Variants in PLEC observed in about 807,000 individuals in gnomAD.
PLEC encodes hemidesmosomal protein 1.
Under a neutral mutation model 392.8 loss-of-function variants are expected in PLEC, and 216 were observed. That is an observed-to-expected ratio of 0.55 (90% CI 0.49 to 0.62). The LOEUF (loss-of-function observed/expected upper bound fraction) is 0.62, where lower values mean the gene tolerates loss of function less well. Ranked by LOEUF, PLEC falls within the 20% of genes least tolerant of loss-of-function variation. PLEC has a pLI of 0.00. For synonymous variants in PLEC, 3,621 were observed against 2,980.6 expected (o/e 1.21, Z -7.00); for missense variants, 6,863 against 6,563.4 (o/e 1.05, Z -1.58).
chr8:143,929,289 G>A lies in PLEC; in HGVS notation c.3082-8C>T. The A allele has an allele frequency of 3.1e-6, 5 of 1,599,728 alleles. No individual in the cohort carries two copies. The highest frequency in any genetic ancestry group is 4.2e-6 in the Non-Finnish European group (5 of 1,179,474). ...CACCTCTGCCTGTGCCTTCTGCAAA[G>A]ACAGGGAGTGGGAACGCACTCATCA... On this transcript the variant is annotated splice_region_variant and splice_polypyrimidine_tract_variant and intron_variant, in intron 24 of 31. Coordinates refer to ENST00000345136, the MANE Select transcript of PLEC (RefSeq NM_201384.3).
chr8:143,937,080 G>A lies in PLEC; in HGVS notation c.343-9C>T, dbSNP rs527621668. 1.7e-5 allele frequency: 28 copies of A among 1,611,912 alleles called. No individual in the cohort carries two copies. The highest frequency in any genetic ancestry group is 1.7e-4 in the Middle Eastern group (1 of 6,060). ...ATGTTCACCAGCTTCACCTGTGAGC[G>A]AGGGGCTCTCGGTCACGGCCCACAG... On this transcript the variant is annotated splice_polypyrimidine_tract_variant and intron_variant, in intron 4 of 31. Transcript: ENST00000345136.
intron 1 of PLEC, among the ~76,000 whole-genome samples, chr8:143,967,101 C>T (rs187575600): frequency 5.3e-5 from 8 of 152,222 alleles, no homozygotes; most frequent in African/African-American, 1.9e-4. Flanking sequence ...CGGTGGCTCA[C>T]GCCTGTAATC....
upstream of PLEC, among the ~76,000 whole-genome samples, chr8:143,955,008 C>T (rs1832513069): frequency 6.6e-6 from 1 of 152,150 alleles, no homozygotes; most frequent in Non-Finnish European, 1.5e-5. Flanking sequence ...CGGGTACGAG[C>T]TAACAGGCAA....
In PLEC at chr8:143,939,329, G is replaced by A. The variant is rs782017665; in HGVS notation, c.112+21C>T. The A allele has an allele frequency of 7.5e-6, 12 of 1,603,246 alleles. No individual in the cohort carries two copies. In the Admixed American group the frequency reaches 1.9e-4, roughly 25 times the overall value. The stretch of plus-strand genomic sequence containing the variant: ...GGGGCCCGCCCTGCCTGGCGGGGGT[G>A]CCCGAGGGGAGCCCTGCTACCTTTC... On this transcript the variant is annotated intron_variant, in intron 1 of 31. Coordinates refer to ENST00000345136, the MANE Select transcript of PLEC (RefSeq NM_201384.3).
Position 143,938,643 on chromosome 8 carries a change from C to T in PLEC, c.162G>A (p.Lys54=), listed in dbSNP as rs782689271. ...ATGCGCCACCAACCTTGATGAGGTG[C>T]TTGTTGACCCACTTGGTGAAGGTTT... ...QKKTFTKWVN[K]HLIKAQRHIS... The change falls in exon 2 of 32, where the codon AAG becomes AAA. Residue 54 remains lysine (K), a synonymous_variant. Coordinates refer to ENST00000345136, the MANE Select transcript of PLEC (RefSeq NM_201384.3). The T allele has an allele frequency of 1.9e-6, 3 of 1,613,768 alleles. No individual in the cohort carries two copies. The highest frequency in any genetic ancestry group is 2.7e-5 in the African/African-American group (2 of 74,912).
chr8:143,917,704 G>A lies in PLEC; in HGVS notation c.12117C>T (p.Gly4039=), dbSNP rs782246537. The change falls in exon 32 of 32, where the codon GGC becomes GGT. Residue 4039 remains glycine, a synonymous_variant. Coordinates refer to ENST00000345136, the MANE Select transcript of PLEC (RefSeq NM_201384.3). ...MKKGLILKDH[G]IRLLEAQIAT... ...CGATCTGGGCCTCCAGCAGGCGGAT[G>A]CCATGGTCCTTCAGGATCAGGCCCT... 5 of 1,613,618 alleles carry A rather than the reference G, an allele frequency of 3.1e-6. No homozygotes were observed. The South Asian group carries it at 4.4e-5, about 14-fold the overall frequency.
chr8:143,927,712 C>T lies in PLEC; in HGVS notation c.3454G>A (p.Glu1152Lys). 1 of 1,589,698 alleles carries T rather than the reference C, an allele frequency of 6.3e-7. No individual in the cohort carries two copies. The highest frequency in any genetic ancestry group is 8.6e-7 in the Non-Finnish European group (1 of 1,166,748). ...CCCACCTCCTGTGCCCCCCGCAGCT[C>T]ATCCCGCAGGGCGTCGAACGTGGGC... ...QQPTFDALRD[E>K]LRGAQEVGER... The change falls in exon 27 of 32, where the codon GAG becomes AAG. Residue 1152 changes from glutamate (E) to lysine (K), a missense_variant. Transcript: ENST00000345136.
At chr8:143,937,393 A>G in intron 3 of PLEC, 151 bp from the exon 4 acceptor site, 1 of 670,770 alleles carries the variant, frequency 1.5e-6, no homozygotes. Flanking sequence ...CCGCAGGGAA[A>G]GGGAGGCCAC....
upstream of PLEC, chr8:143,953,997 G>A: frequency 2.6e-6 from 3 of 1,161,812 alleles, no homozygotes; most frequent in Non-Finnish European, 3.4e-6. Flanking sequence ...TGGTTCTGGG[G>A]CACGCGACCC....
In PLEC at chr8:143,935,002, C is replaced by T; in HGVS notation, c.825+9G>A. On this transcript the variant is annotated intron_variant, in intron 8 of 31. Transcript: ENST00000345136. ...CCCAAGCCCCCTGCCCTCCGGGCCCCCCACTCACGTTGGCCCTCACCCCAT... is the reference window on the plus strand; with the variant it reads ...CCCAAGCCCCCTGCCCTCCGGGCCCTCCACTCACGTTGGCCCTCACCCCAT... 1 of 1,612,156 alleles carries T rather than the reference C, an allele frequency of 6.2e-7. No individual in the cohort carries two copies. The highest frequency in any genetic ancestry group is 8.5e-7 in the Non-Finnish European group (1 of 1,179,598).
intron 1 of PLEC, among the ~76,000 whole-genome samples, chr8:143,963,667 G>C (rs1554741434): frequency 6.6e-6 from 1 of 152,078 alleles, no homozygotes. Context: ...TGGGACTTCT[G>C]AGCTGATTAA....
Position 143,918,771 on chromosome 8 carries a change from A to C in PLEC, c.11050T>G (p.Cys3684Gly). 1 of 1,613,074 alleles carries C rather than the reference A, an allele frequency of 6.2e-7. No individual in the cohort carries two copies. The highest frequency in any genetic ancestry group is 8.5e-7 in the Non-Finnish European group (1 of 1,180,010). Residue 3684 changes from cysteine to glycine, a missense_variant, in exon 32 of 32, where the codon TGC becomes GGC. Transcript: ENST00000345136. ...ACGGAGCCCGTGCCATAGAGGTAGC[A>C]CCAGGCGGACTCCGCCTCGAGAGCC... ...REALEAESAW[C>G]YLYGTGSVAG...
Position 143,932,629 on chromosome 8 carries a change from A to G in PLEC, c.1815+6T>C, listed in dbSNP as rs782818583. 1 of 1,609,376 alleles carries G rather than the reference A, an allele frequency of 6.2e-7. No individual in the cohort carries two copies. The highest frequency in any genetic ancestry group is 1.7e-5 in the Admixed American group (1 of 59,906). ...ACCTCCCCCGGCTGGCCCTGCCCCC[A>G]CTCACCAGCAGCTTGGCGTACTGCA... is the stretch of plus-strand genomic sequence containing the variant. On this transcript the variant is annotated splice_donor_region_variant and intron_variant, in intron 15 of 31. Transcript: ENST00000345136.
In PLEC at chr8:143,933,371, A is replaced by G. The variant is rs1449549528; in HGVS notation, c.1264-20T>C. The G allele has an allele frequency of 6.2e-7, 1 of 1,605,994 alleles. No individual in the cohort carries two copies. The highest frequency in any genetic ancestry group is 8.5e-7 in the Non-Finnish European group (1 of 1,179,884). Reference sequence around the variant, plus strand: ...GACATCCTGCAAGGTCGTTGCCATGACTCGGAGCACAGCTGATCCCCCTCT... The same window carrying G: ...GACATCCTGCAAGGTCGTTGCCATGGCTCGGAGCACAGCTGATCCCCCTCT... On this transcript the variant is annotated intron_variant, in intron 12 of 31. Transcript: ENST00000345136.
chr8:143,950,576 G>C, exon 1 of PLEC: 3 of 1,608,454 alleles, frequency 1.9e-6, no homozygotes, highest in Non-Finnish European at 1.7e-6. Context: ...CTGCAGGTTG[G>C]TGACGCCGGG....
chr8:143,948,986 C>A (rs552668867), intron 1 of PLEC, among the ~76,000 whole-genome samples: 7 of 152,318 alleles, frequency 4.6e-5, no homozygotes, highest in African/African-American at 1.7e-4. Context: ...TAGAGAGGAG[C>A]TGGAGAGGCC....
At chr8:143,932,348 G>A in intron 16 of PLEC, 52 bp downstream of exon 16, 1 of 1,609,288 alleles carries the variant, frequency 6.2e-7, no homozygotes, top group Non-Finnish European at 8.5e-7. Context: ...GACGGCCAGG[G>A]CACAGCTGGG....
rs112205689 is a variant in PLEC, at chr8:143,919,903, G to A, written c.9918C>T (p.Ser3306=). ...TGGCTGGCACAGGGGCACGGAGGCC[G>A]CTGAAGGACAGCCTCTCCTGCCGCA... The part of the protein sequence containing the change: ...ETLRQERLSF[S]GLRAPVPASE... Residue 3306 remains serine (S), a synonymous_variant, in exon 32 of 32, where the codon AGC becomes AGT. Coordinates refer to ENST00000345136, the MANE Select transcript of PLEC (RefSeq NM_201384.3). 7.8e-5 allele frequency: 126 copies of A among 1,613,072 alleles called. 1 individual carries two copies. The highest frequency in any genetic ancestry group is 5.7e-4 in the South Asian group (52 of 91,088).
At position 143,916,002 on chromosome 8, in the gene PLEC, C is replaced by T. The variant is rs1163990788; in HGVS notation, c.*175G>A. 1 of 522,168 alleles carries T rather than the reference C, an allele frequency of 1.9e-6. No individual in the cohort carries two copies. Among genetic ancestry groups the T allele is most frequent in the Non-Finnish European group, 3.3e-6 (1 of 302,348 alleles). The allele number at this position is 522,168 out of a possible 1,614,324, so 32.3% of individuals were successfully genotyped here. On this transcript the variant is annotated 3_prime_UTR_variant, in exon 32 of 32. Coordinates refer to ENST00000345136, the MANE Select transcript of PLEC (RefSeq NM_201384.3). ...CAGCAGGGCTGGGCCAGCCCTGTCCCCCAAGATACAGGCTGTCTGGACAGC... is the reference window on the plus strand; with the variant it reads ...CAGCAGGGCTGGGCCAGCCCTGTCCTCCAAGATACAGGCTGTCTGGACAGC...
Sources: gnomAD v4.1 joint callset for allele counts (sites outside exome capture counted in the v4.1 genomes callset) on GRCh38, gnomAD v4.1.1 for gene constraint, MANE v1.5 for transcripts, NCBI Gene and HGNC (gene_info 2026-07-23, HGNC 2026-07-21) for gene names.